The following ITGBL1 variants were observed in gnomAD, a reference collection of about 807,000 sequenced individuals.
ITGBL1 encodes the protein integrin subunit beta like 1.
In ITGBL1, 51 loss-of-function variants were observed where a neutral mutation model predicts 68.5. The ratio of observed to expected loss-of-function variants is 0.74; its 90% CI spans 0.59 to 0.94. The LOEUF (loss-of-function observed/expected upper bound fraction) is 0.94, where lower values mean the gene tolerates loss of function less well. Ranked by LOEUF, ITGBL1 falls within the 40% of genes least tolerant of loss-of-function variation. The probability of loss-of-function intolerance (pLI) is 0.00; values close to 1 mark genes in which losing one functional copy is unlikely to be tolerated. For synonymous variants in ITGBL1, 209 were observed against 227.3 expected (o/e 0.92, Z 0.72); for missense variants, 649 against 647.4 (o/e 1.00, Z -0.03).
At chr13:101,697,739 G>A (rs770735515) in intron 8 of ITGBL1, among the ~76,000 whole-genome samples, 6 of 152,144 alleles carry the variant, frequency 3.9e-5, no homozygotes. Flanking sequence ...TGGCTTTATG[G>A]AAAGAAAGAG....
chr13:101,575,681 T>TAGG, intron 4 of ITGBL1, 135 bp downstream of exon 4: 1 of 871,842 alleles, frequency 1.1e-6, no homozygotes, highest in Non-Finnish European at 1.8e-6. Flanking sequence ...CTGGAAAACA[T>TAGG]TTCACATAAG....
chr13:101,580,649 T>C (rs111335101), intron 5 of ITGBL1, among the ~76,000 whole-genome samples: 61 of 152,302 alleles, frequency 4.0e-4, no homozygotes, highest in African/African-American at 1.4e-3. Flanking sequence ...TCCAATGTGT[T>C]TTCTGCATAA....
At chr13:101,552,150 C>A (rs2049931574) in intron 2 of ITGBL1, among the ~76,000 whole-genome samples, 1 of 152,104 alleles carries the variant, frequency 6.6e-6, no homozygotes, top group Non-Finnish European at 1.5e-5. Context: ...GTTTGCAGTC[C>A]CTTTACCAAA....
intron 8 of ITGBL1, among the ~76,000 whole-genome samples, chr13:101,702,147 T>C (rs1236196395): frequency 6.6e-6 from 1 of 152,186 alleles, no homozygotes; most frequent in Non-Finnish European, 1.5e-5. Flanking sequence ...CTTGGACAAA[T>C]CATTGTTTGT....
intron 2 of ITGBL1, among the ~76,000 whole-genome samples, chr13:101,563,963 C>G (rs1353988738): frequency 6.6e-6 from 1 of 151,640 alleles, no homozygotes; most frequent in Non-Finnish European, 1.5e-5. Context: ...TATTACCAAC[C>G]AAATGAGGTA....
chr13:101,591,776 C>A (rs889200899), intron 6 of ITGBL1, among the ~76,000 whole-genome samples: 96 of 152,130 alleles, frequency 6.3e-4, no homozygotes, highest in African/African-American at 2.2e-3. Flanking sequence ...AAGTGTAATT[C>A]CACTTTTAAA....
chr13:101,711,557 C>G (rs1379122362), intron 9 of ITGBL1: 1 of 152,240 alleles, frequency 6.6e-6, no homozygotes, highest in African/African-American at 2.4e-5. Context: ...AGATACATCA[C>G]AGATAGGCAG....
chr13:101,630,373 A>C (rs1405233085), intron 7 of ITGBL1, among the ~76,000 whole-genome samples: 1 of 152,102 alleles, frequency 6.6e-6, no homozygotes, highest in African/African-American at 2.4e-5. Flanking sequence ...TTGCTGTTTT[A>C]ATTGTAAGAA....
At chr13:101,698,484 GAA>G (rs1252616304) in intron 8 of ITGBL1, among the ~76,000 whole-genome samples, 1 of 152,148 alleles carries the variant, frequency 6.6e-6, no homozygotes, top group African/African-American at 2.4e-5. Context: ...TTACAACCTG[GAA>G]AAGAGTCATG....
chr13:101,685,945 A>T (rs2033744612), intron 7 of ITGBL1, among the ~76,000 whole-genome samples: 1 of 152,120 alleles, frequency 6.6e-6, no homozygotes, highest in African/African-American at 2.4e-5. Flanking sequence ...GAGAGGTTAT[A>T]TAAGATGGTA....
chr13:101,608,032 T>C (rs1437773525), intron 7 of ITGBL1, among the ~76,000 whole-genome samples: 1 of 152,086 alleles, frequency 6.6e-6, no homozygotes, highest in African/African-American at 2.4e-5. Context: ...ATTGCATATG[T>C]TTTAGTTCCT....
chr13:101,581,889 G>A (rs1234630519), intron 5 of ITGBL1, among the ~76,000 whole-genome samples: 1 of 151,972 alleles, frequency 6.6e-6, no homozygotes, highest in African/African-American at 2.4e-5. Context: ...TCCCCTTCAG[G>A]GCAAGAAAGT....
intron 3 of ITGBL1, among the ~76,000 whole-genome samples, chr13:101,569,954 C>T (rs1289377455): frequency 1.3e-5 from 2 of 152,112 alleles, no homozygotes; most frequent in African/African-American, 4.8e-5. Flanking sequence ...ACATGTATCA[C>T]ATTCCTCACT....
chr13:101,652,750 G>T (rs894137566), intron 7 of ITGBL1, among the ~76,000 whole-genome samples: 1 of 152,088 alleles, frequency 6.6e-6, no homozygotes, highest in Non-Finnish European at 1.5e-5. Flanking sequence ...CAAAATGCAC[G>T]AGAAGGAAAT....
Position 101,673,689 on chromosome 13 carries a change from A to G in ITGBL1, c.1016-18896A>G, listed in dbSNP as rs536212129. On this transcript the variant is annotated intron_variant, in intron 7 of 10. Coordinates refer to ENST00000376180, the MANE Select transcript of ITGBL1 (RefSeq NM_004791.3). ...TTAATTTTACTTTGTATTTTTCTTTATAAACTTTGTACTTATTGCTTGTCA... is the reference window on the plus strand; with the variant it reads ...TTAATTTTACTTTGTATTTTTCTTTGTAAACTTTGTACTTATTGCTTGTCA... Among the ~76,000 whole-genome samples, 7 of 152,280 alleles carry G rather than the reference A, an allele frequency of 4.6e-5. No individual in the cohort carries two copies. In the East Asian group the frequency reaches 1.3e-3, roughly 29 times the overall value.
At chr13:101,526,039 A>C (rs990464321) in intron 2 of ITGBL1, among the ~76,000 whole-genome samples, 3 of 152,094 alleles carry the variant, frequency 2.0e-5, no homozygotes, top group African/African-American at 7.2e-5. Context: ...CACATCAAGA[A>C]GTCTGTTTCA....
intron 2 of ITGBL1, among the ~76,000 whole-genome samples, chr13:101,561,329 A>G (rs1181283527): frequency 6.6e-6 from 1 of 152,168 alleles, no homozygotes; most frequent in Non-Finnish European, 1.5e-5. Context: ...CAGCTCCTCC[A>G]GGATGGTCAT....
intron 3 of ITGBL1, among the ~76,000 whole-genome samples, chr13:101,574,264 G>A (rs2050319410): frequency 4.7e-5 from 1 of 21,504 alleles, no homozygotes; most frequent in Admixed American, 5.0e-4. Flanking sequence ...GTTCTCATGT[G>A]GTGTTTTTCC....
intron 2 of ITGBL1, among the ~76,000 whole-genome samples, chr13:101,563,970 G>A (rs1001058952): frequency 2.0e-5 from 3 of 151,612 alleles, no homozygotes; most frequent in African/African-American, 7.3e-5. Context: ...AACCAAATGA[G>A]GTATATCTCA....
Sources: gnomAD v4.1 joint callset for allele counts (sites outside exome capture counted in the v4.1 genomes callset) on GRCh38, gnomAD v4.1.1 for gene constraint, MANE v1.5 for transcripts, NCBI Gene and HGNC (gene_info 2026-07-23, HGNC 2026-07-21) for gene names.